Variants in GDAP1 observed in about 807,000 individuals in gnomAD.
GDAP1 encodes ganglioside-induced differentiation-associated protein 1.
Under a neutral mutation model 40.1 loss-of-function variants are expected in GDAP1, and 34 were observed. The observed-to-expected ratio is 0.85, with a 90% CI of 0.64 to 1.13. The LOEUF (loss-of-function observed/expected upper bound fraction) is 1.13, where lower values mean the gene tolerates loss of function less well. Ranked by LOEUF, GDAP1 falls within the 50% of genes most tolerant of loss-of-function variation. GDAP1 has a pLI of 0.00. For synonymous variants in GDAP1, 170 were observed against 157.4 expected (o/e 1.08, Z -0.60); for missense variants, 374 against 433.7 (o/e 0.86, Z 1.22).
chr8:74,442,142 A>G (rs1476957621), intron 2 of GDAP1, among the ~76,000 whole-genome samples: 1 of 152,242 alleles, frequency 6.6e-6, no homozygotes. Flanking sequence ...TTTCAAGAGA[A>G]CACCTGATGA....
At position 74,479,913 on chromosome 8, in the gene GDAP1, A is replaced by G. The variant is rs1452422710; in HGVS notation, c.166-8765A>G. Among the ~76,000 whole-genome samples, 3 of 150,798 alleles carry G rather than the reference A, an allele frequency of 2.0e-5. No individual in the cohort carries two copies. In the East Asian group the frequency reaches 5.8e-4, roughly 29 times the overall value. ...CACAATGTCACTTCTATTGCTCTCT[A>G]TTGGCTAGAGGAATTAGCTAGGCTA... On this transcript the variant is annotated intron_variant, in intron 2 of 2. Transcript: ENST00000523640.
chr8:74,421,031 GATAC>G (rs1448948619), intron 2 of GDAP1, among the ~76,000 whole-genome samples: 1 of 151,776 alleles, frequency 6.6e-6, no homozygotes, highest in Non-Finnish European at 1.5e-5. Flanking sequence ...AGAGATAGAT[GATAC>G]ATAGATAGAT....
chr8:74,386,923 G>A (rs1464933711), intron 2 of GDAP1, among the ~76,000 whole-genome samples: 1 of 152,074 alleles, frequency 6.6e-6, no homozygotes, highest in Non-Finnish European at 1.5e-5. Flanking sequence ...TGTATTCCTA[G>A]GTATTTTATT....
intron 3 of GDAP1, among the ~76,000 whole-genome samples, chr8:74,361,599 G>A (rs540464118): frequency 3.5e-4 from 54 of 152,182 alleles, no homozygotes; most frequent in Non-Finnish European, 6.3e-4. Context: ...GTTTCACCAC[G>A]TTGGCCAAGA....
chr8:74,455,586 A>G (rs1171582256), intron 2 of GDAP1, among the ~76,000 whole-genome samples: 1 of 151,966 alleles, frequency 6.6e-6, no homozygotes, highest in Admixed American at 6.6e-5. Flanking sequence ...AACACAATGC[A>G]TTTGAGTTCA....
intron 2 of GDAP1, among the ~76,000 whole-genome samples, chr8:74,480,133 C>T (rs1356651592): frequency 6.6e-6 from 1 of 151,820 alleles, no homozygotes; most frequent in Non-Finnish European, 1.5e-5. Flanking sequence ...GGATTATAGG[C>T]GCATGCCACC....
chr8:74,408,685 C>T (rs1805671435), intron 2 of GDAP1, among the ~76,000 whole-genome samples: 3 of 149,842 alleles, frequency 2.0e-5, no homozygotes, highest in Admixed American at 2.0e-4. Flanking sequence ...TTGTAGCAGC[C>T]CAAATGGACC....
At chr8:74,395,447 T>C (rs533440914) in intron 2 of GDAP1, among the ~76,000 whole-genome samples, 1 of 152,260 alleles carries the variant, frequency 6.6e-6, no homozygotes, top group Admixed American at 6.5e-5. Context: ...TGAAGAACAA[T>C]AGTAAATTGG....
rs1809554582 is a variant in GDAP1 at position 74,365,012 on chromosome 8, G to T, written c.*645G>T. 1 of 453,950 alleles carries T rather than the reference G, an allele frequency of 2.2e-6. No individual in the cohort carries two copies. The highest frequency in any genetic ancestry group is 4.4e-6 in the Non-Finnish European group (1 of 226,794). The allele number at this position is 453,950 out of a possible 1,614,324, so 28.1% of individuals were successfully genotyped here. The stretch of plus-strand genomic sequence containing the variant: ...CAATTTGAATTACCAAGTGGTAATG[G>T]TTCCTTACTGTTTTAGATGGTGCCT... On this transcript the variant is annotated 3_prime_UTR_variant, in exon 6 of 6. Coordinates refer to ENST00000220822, the MANE Select transcript of GDAP1 (RefSeq NM_018972.4).
intron 1 of GDAP1, 48 bp from the exon 2 acceptor site, chr8:74,351,226 T>TA (rs771851143): frequency 3.3e-6 from 5 of 1,498,968 alleles, no homozygotes; most frequent in Non-Finnish European, 4.7e-6. Context: ...GGAAGTCATT[T>TA]AATTGAAAGC....
intron 2 of GDAP1, among the ~76,000 whole-genome samples, chr8:74,486,168 G>A (rs1403333229): frequency 6.6e-6 from 1 of 152,154 alleles, no homozygotes; most frequent in Non-Finnish European, 1.5e-5. Flanking sequence ...ATTACCTACA[G>A]GAAAATGTTT....
intron 2 of GDAP1, among the ~76,000 whole-genome samples, chr8:74,399,465 G>T (rs990078709): frequency 1.3e-5 from 2 of 148,242 alleles, no homozygotes; most frequent in Non-Finnish European, 2.9e-5. Flanking sequence ...TCTTGTTAGC[G>T]GTCTATCAAT....
chr8:74,421,220 T>C (rs1415138462), intron 2 of GDAP1, among the ~76,000 whole-genome samples: 1 of 152,188 alleles, frequency 6.6e-6, no homozygotes, highest in Admixed American at 6.5e-5. Flanking sequence ...TGCCCTAAAA[T>C]GTAGTTTTAC....
intron 2 of GDAP1, among the ~76,000 whole-genome samples, chr8:74,447,978 T>TA (rs1806253436): frequency 6.6e-6 from 1 of 152,194 alleles, no homozygotes. Context: ...ACAGTTCTGG[T>TA]ACTGTGTTTT....
intron 2 of GDAP1, among the ~76,000 whole-genome samples, chr8:74,463,361 T>C (rs1431511407): frequency 6.7e-6 from 1 of 150,336 alleles, no homozygotes; most frequent in Non-Finnish European, 1.5e-5. Flanking sequence ...AGAAGGGTGA[T>C]ATATGAGGAT....
At chr8:74,409,468 C>T (rs1350245410) in intron 2 of GDAP1, among the ~76,000 whole-genome samples, 3 of 149,824 alleles carry the variant, frequency 2.0e-5, no homozygotes, top group African/African-American at 7.7e-5. Context: ...TCTCCTGCCC[C>T]AGCCTCCGGA....
intron 2 of GDAP1, among the ~76,000 whole-genome samples, chr8:74,429,179 G>A (rs1431218156): frequency 1.3e-5 from 2 of 152,074 alleles, no homozygotes; most frequent in African/African-American, 4.8e-5. Context: ...AAGCATACAT[G>A]TGCATGTGTC....
At chr8:74,441,682 A>G (rs1806164079) in intron 2 of GDAP1, among the ~76,000 whole-genome samples, 1 of 152,198 alleles carries the variant, frequency 6.6e-6, no homozygotes, top group African/African-American at 2.4e-5. Flanking sequence ...CCAAGTTGAA[A>G]TGATCCGTAA....
At chr8:74,419,045 T>G (rs1805823042) in intron 2 of GDAP1, among the ~76,000 whole-genome samples, 1 of 152,196 alleles carries the variant, frequency 6.6e-6, no homozygotes, top group African/African-American at 2.4e-5. Flanking sequence ...TGCGGGAGAA[T>G]GCAGATCAAG....
Sources: gnomAD v4.1 joint callset for allele counts (sites outside exome capture counted in the v4.1 genomes callset) on GRCh38, gnomAD v4.1.1 for gene constraint, MANE v1.5 for transcripts, NCBI Gene and HGNC (gene_info 2026-07-23, HGNC 2026-07-21) for gene names.